EGLN3: variants seen among roughly 807,000 people sequenced by gnomAD.
The protein encoded by EGLN3 is egl-9 family hypoxia inducible factor 3.
Under a neutral mutation model 26.0 loss-of-function variants are expected in EGLN3, and 15 were observed. The observed-to-expected ratio is 0.58, with a 90% confidence interval of 0.39 to 0.89. The LOEUF is 0.89. EGLN3 is among the 40% of genes least tolerant of loss of function. EGLN3 has a pLI of 0.00. For missense variants in EGLN3, 238 were observed against 311.6 expected (o/e 0.76, Z 1.78); for synonymous variants, 147 against 127.2 (o/e 1.16, Z -1.05).
intron 3 of EGLN3, 21 bp from the exon 4 acceptor site, chr14:33,927,054 T>C (rs778652036): frequency 7.7e-6 from 12 of 1,557,220 alleles, no homozygotes; most frequent in Admixed American, 1.9e-5. Flanking sequence ...TAAGCAGATA[T>C]AAGGAAAGAG....
chr14:33,943,066 C>T (rs1182079713), intron 1 of EGLN3, among the ~76,000 whole-genome samples: 4 of 152,176 alleles, frequency 2.6e-5, no homozygotes, highest in African/African-American at 9.7e-5. Context: ...GGGACAGAAA[C>T]TCACCCACAA....
At chr14:33,931,463 C>T in intron 1 of EGLN3, 1 of 467,282 alleles carries the variant, frequency 2.1e-6, no homozygotes, top group Non-Finnish European at 3.8e-6. Flanking sequence ...GAACATTTTA[C>T]ACAGTCTTTC....
At chr14:33,927,313 T>C (rs1223482326) in intron 3 of EGLN3, among the ~76,000 whole-genome samples, 1 of 151,852 alleles carries the variant, frequency 6.6e-6, no homozygotes, top group Admixed American at 6.6e-5. Context: ...GGACTACAGG[T>C]GCACGCTACC....
intron 1 of EGLN3, chr14:33,949,842 C>T (rs2064544478): frequency 5.8e-6 from 1 of 172,686 alleles, no homozygotes. Flanking sequence ...GTGCTGGGTC[C>T]CAGGGGGCAG....
chr14:33,946,814 C>T (rs2064521228), intron 1 of EGLN3, among the ~76,000 whole-genome samples: 1 of 152,196 alleles, frequency 6.6e-6, no homozygotes, highest in Admixed American at 6.5e-5. Context: ...GGCATTATTT[C>T]CTTTCATTTT....
chr14:33,933,646 T>C (rs958674910), intron 1 of EGLN3, among the ~76,000 whole-genome samples: 1 of 152,128 alleles, frequency 6.6e-6, no homozygotes, highest in Non-Finnish European at 1.5e-5. Context: ...CCATAGGAGA[T>C]GGGTCTTTGC....
chr14:33,934,305 C>A (rs1481480285), intron 1 of EGLN3, among the ~76,000 whole-genome samples: 1 of 152,086 alleles, frequency 6.6e-6, no homozygotes, highest in Non-Finnish European at 1.5e-5. Context: ...GACACGTATG[C>A]AGCCATGTCC....
chr14:33,935,281 A>C (rs151251797), intron 1 of EGLN3, among the ~76,000 whole-genome samples: 1 of 152,268 alleles, frequency 6.6e-6, no homozygotes, highest in East Asian at 1.9e-4. Context: ...CTTCCCCTCA[A>C]CTGAAGCTGT....
intron 1 of EGLN3, among the ~76,000 whole-genome samples, chr14:33,941,367 A>T (rs1256844893): frequency 6.6e-6 from 1 of 151,806 alleles, no homozygotes; most frequent in African/African-American, 2.4e-5. Context: ...TCCAGGTGTG[A>T]CTCGGGTATT....
intron 3 of EGLN3, 145 bp from the exon 4 acceptor site, chr14:33,927,178 T>TTTAC (rs2064368341): frequency 4.0e-6 from 1 of 250,494 alleles, no homozygotes; most frequent in Non-Finnish European, 6.9e-6. Flanking sequence ...TATTTATTTA[T>TTTAC]TTATTTATTT....
intron 1 of EGLN3, among the ~76,000 whole-genome samples, chr14:33,942,501 A>G (rs2064490517): frequency 6.6e-6 from 1 of 152,186 alleles, no homozygotes. Context: ...GCAACATGGC[A>G]GAACCCCATC....
In EGLN3 at chr14:33,928,564, C is replaced by T. The variant is rs553559936; in HGVS notation, c.614+512G>A. 1.0e-3 allele frequency among the ~76,000 whole-genome samples: 157 copies of T among 152,254 alleles called. 1 individual carries two copies. Among genetic ancestry groups the T allele is most frequent in the African/African-American group, 3.8e-3 (156 of 41,530 alleles). ...ATTAATAAAACATCCAACTGTTGGA[C>T]CATGGATACAGCAAGCCCAAGCCAA... On this transcript the variant is annotated intron_variant, in intron 3 of 4. Coordinates refer to ENST00000250457, the MANE Select transcript of EGLN3 (RefSeq NM_022073.4).
chr14:33,931,941 T>A (rs770556049), intron 1 of EGLN3, among the ~76,000 whole-genome samples: 1 of 152,166 alleles, frequency 6.6e-6, no homozygotes, highest in East Asian at 1.9e-4. Flanking sequence ...GGTGGAAGAA[T>A]AAAGTAGAAA....
intron 3 of EGLN3, 105 bp from the exon 4 acceptor site, chr14:33,927,138 TAGA>T (rs2064367314): frequency 4.0e-6 from 2 of 494,270 alleles, no homozygotes; most frequent in Non-Finnish European, 6.6e-6. Flanking sequence ...TCTCTATTAT[TAGA>T]AGTCTACCCT....
intron 1 of EGLN3, among the ~76,000 whole-genome samples, chr14:33,936,831 A>T (rs2064446580): frequency 6.6e-6 from 1 of 152,166 alleles, no homozygotes; most frequent in African/African-American, 2.4e-5. Flanking sequence ...AAAAAAAAAA[A>T]ATCTAAAGAC....
Position 33,950,869 on chromosome 14 carries a change from G to A in EGLN3, c.-117C>T. 2.3e-6 allele frequency: 2 copies of A among 868,980 alleles called. No homozygotes were observed. The highest frequency in any genetic ancestry group is 1.6e-5 in the South Asian group (1 of 61,028). The allele number at this position is 868,980 out of a possible 1,614,324, so 53.8% of individuals were successfully genotyped here. A position where few individuals can be genotyped will look rare whatever the true frequency, so the allele number is the denominator to read the frequency against. On this transcript the variant is annotated 5_prime_UTR_variant, in exon 1 of 5. Coordinates refer to ENST00000250457, the MANE Select transcript of EGLN3 (RefSeq NM_022073.4). The stretch of plus-strand genomic sequence containing the variant: ...GCCCGGGGTTCAGAAACCTGCGGCT[G>A]CCACGGTACCCGAGCCGCTGCAGCG...
At chr14:33,943,530 T>C (rs1426575055) in intron 1 of EGLN3, among the ~76,000 whole-genome samples, 1 of 152,210 alleles carries the variant, frequency 6.6e-6, no homozygotes, top group East Asian at 1.9e-4. Flanking sequence ...TTAATAACCT[T>C]CTCCATAATG....
Position 33,950,465 on chromosome 14 carries a change from G to A in EGLN3, c.288C>T (p.Ser96=), listed in dbSNP as rs953741804. The A allele has an allele frequency of 1.9e-6, 3 of 1,613,696 alleles. No homozygotes were observed. Among genetic ancestry groups the A allele is most frequent in the Admixed American group, 1.7e-5 (1 of 60,030 alleles). Residue 96 remains serine (S), a synonymous_variant, in exon 1 of 5, where the codon TCC becomes TCT. Coordinates refer to ENST00000250457, the MANE Select transcript of EGLN3 (RefSeq NM_022073.4). ...EGCEAISFLL[S]LIDRLVLYCG... ...AGTAGAGGACCAGCCTGTCGATGAG[G>A]GACAGGAGGAAGCTGATGGCCTCGC...
At chr14:33,938,094 T>C (rs1308606713) in intron 1 of EGLN3, among the ~76,000 whole-genome samples, 2 of 152,198 alleles carry the variant, frequency 1.3e-5, no homozygotes, top group Non-Finnish European at 2.9e-5. Flanking sequence ...TTGAGATTCT[T>C]ACATTAAAAG....
Sources: gnomAD v4.1 joint callset for allele counts (sites outside exome capture counted in the v4.1 genomes callset) on GRCh38, gnomAD v4.1.1 for gene constraint, MANE v1.5 for transcripts, NCBI Gene and HGNC (gene_info 2026-07-23, HGNC 2026-07-21) for gene names.